Variants in NIPBL observed in about 807,000 individuals in gnomAD.
NIPBL encodes NIPBL cohesin loading factor.
In NIPBL, 19 loss-of-function variants were observed where a neutral mutation model predicts 321.8. The ratio of observed to expected loss-of-function variants is 0.06; its 90% CI spans 0.04 to 0.09. The LOEUF is 0.09. Among genes scored for constraint, NIPBL ranks in the 10% least tolerant of loss-of-function variants. The pLI is 1.00. For synonymous variants in NIPBL, 1,106 were observed against 1,114.1 expected, an observed-to-expected ratio of 0.99 and a Z score of 0.14; for missense variants, 2,210 against 3,327.0, an observed-to-expected ratio of 0.66 and a Z score of 8.26.
At chr5:36,897,889 A>G (rs10040962) in intron 1 of NIPBL, among the ~76,000 whole-genome samples, 1,125 of 107,656 alleles carry the variant, frequency 0.01, 9 homozygotes, top group African/African-American at 0.033. Context: ...TCATACAGGG[A>G]AAAAAAAAAA....
chr5:37,021,931 T>C (rs1221994771), intron 27 of NIPBL, 120 bp from the exon 28 acceptor site: 2 of 782,396 alleles, frequency 2.6e-6, no homozygotes, highest in South Asian at 1.5e-5. Flanking sequence ...TTTACTCATT[T>C]ATATACAGAT....
At chr5:36,920,328 A>G (rs939931191) in intron 1 of NIPBL, among the ~76,000 whole-genome samples, 2 of 152,308 alleles carry the variant, frequency 1.3e-5, no homozygotes, top group African/African-American at 4.8e-5. Flanking sequence ...AAAAACATAA[A>G]GTAAATAATA....
intron 1 of NIPBL, among the ~76,000 whole-genome samples, chr5:36,952,909 G>T (rs1183919930): frequency 6.6e-6 from 1 of 152,078 alleles, no homozygotes; most frequent in East Asian, 1.9e-4. Context: ...AATAATATTG[G>T]GCAATAAATG....
At chr5:37,024,506 G>A (rs572943430) in intron 29 of NIPBL, 79 bp from the exon 30 acceptor site, 160 of 1,211,382 alleles carry the variant, frequency 1.3e-4, no homozygotes, top group Middle Eastern at 2.1e-4. Context: ...AATATACTGC[G>A]TATGGATACT....
chr5:36,941,418 T>G (rs1455271472), intron 1 of NIPBL, among the ~76,000 whole-genome samples: 1 of 151,574 alleles, frequency 6.6e-6, no homozygotes, highest in Non-Finnish European at 1.5e-5. Flanking sequence ...TTATCTTCTT[T>G]AGGTACTTTA....
chr5:36,938,778 C>T (rs1362583658), intron 1 of NIPBL, among the ~76,000 whole-genome samples: 1 of 152,158 alleles, frequency 6.6e-6, no homozygotes, highest in East Asian at 1.9e-4. Flanking sequence ...TACAATTTTA[C>T]ATAACTGTAT....
rs181080254 is a variant in NIPBL, at chr5:36,936,595, C to T, written c.-79-17023C>T. Reference sequence around the variant, plus strand: ...GTCCCTGTCATTATGTGACCCATAACTGTGTGTAGCTCAGAGGTCAAAGTT... The same window carrying T: ...GTCCCTGTCATTATGTGACCCATAATTGTGTGTAGCTCAGAGGTCAAAGTT... On this transcript the variant is annotated intron_variant, in intron 1 of 46. Transcript: ENST00000282516. 9.9e-5 allele frequency among the ~76,000 whole-genome samples: 15 copies of T among 152,234 alleles called. No homozygotes were observed. In the East Asian group the frequency reaches 2.9e-3, roughly 29 times the overall value.
At chr5:36,954,017 A>G (rs1354478053) in intron 2 of NIPBL, among the ~76,000 whole-genome samples, 1 of 152,222 alleles carries the variant, frequency 6.6e-6, no homozygotes, top group African/African-American at 2.4e-5. Flanking sequence ...TAAGGACTTA[A>G]GAATTTTAAA....
intron 45 of NIPBL, among the ~76,000 whole-genome samples, chr5:37,063,168 A>AT (rs1386862947): frequency 6.6e-6 from 1 of 152,132 alleles, no homozygotes; most frequent in Non-Finnish European, 1.5e-5. Flanking sequence ...GCAAAACCCC[A>AT]TTTCTATTTT....
chr5:37,049,463 T>C (rs946494638), intron 40 of NIPBL, among the ~76,000 whole-genome samples, 162 bp downstream of exon 40: 3 of 152,218 alleles, frequency 2.0e-5, no homozygotes, highest in Non-Finnish European at 4.4e-5. Flanking sequence ...TGGGTTATGA[T>C]TACTGCAAAA....
At chr5:37,041,252 GTTTTTTTT>G (rs1163179336) in intron 34 of NIPBL, among the ~76,000 whole-genome samples, 4 of 64,006 alleles carry the variant, frequency 6.2e-5, no homozygotes, top group East Asian at 4.0e-4. Flanking sequence ...TTATGTGGTG[GTTTTTTTT>G]TTTTTTTTTT....
At chr5:37,046,636 C>CT (rs1249686881) in intron 38 of NIPBL, among the ~76,000 whole-genome samples, 2 of 152,252 alleles carry the variant, frequency 1.3e-5, no homozygotes, top group East Asian at 3.9e-4. Context: ...TCTACACTGA[C>CT]TTATTTATAT....
At chr5:37,034,714 G>T (rs1421963406) in intron 32 of NIPBL, among the ~76,000 whole-genome samples, 1 of 152,146 alleles carries the variant, frequency 6.6e-6, no homozygotes, top group Admixed American at 6.5e-5. Flanking sequence ...CAAGGAGATG[G>T]TAAATTTCTG....
chr5:36,893,357 A>G lies in NIPBL; in HGVS notation c.-80+16179A>G, dbSNP rs190723667. ...AGTTATAAAGCAGTCAAACTGATGT[A>G]TCCAAAATAACTGACCAGGTGACAT... On this transcript the variant is annotated intron_variant, in intron 1 of 46. Coordinates refer to ENST00000282516, the MANE Select transcript of NIPBL (RefSeq NM_133433.4). Among the ~76,000 whole-genome samples, 54 of 152,352 alleles carry G rather than the reference A, an allele frequency of 3.5e-4. No homozygotes were observed. The East Asian group carries it at 0.01, about 28-fold the overall frequency.
Position 36,886,330 on chromosome 5 carries a change from G to C in NIPBL, c.-80+9152G>C. ...GAACATCAAGGTCAAGCTGGAGGCT[G>C]AGAGCGCCACCTGCCACCGCCTGCT... On this transcript the variant is annotated intron_variant, in intron 1 of 46. Coordinates refer to ENST00000282516, the MANE Select transcript of NIPBL (RefSeq NM_133433.4). 9 of 692,584 alleles carry C rather than the reference G, an allele frequency of 1.3e-5. No homozygotes were observed. In the South Asian group the frequency reaches 1.3e-4, roughly 10 times the overall value. The allele number at this position is 692,584 out of a possible 1,614,324, so 42.9% of individuals were successfully genotyped here.
intron 6 of NIPBL, among the ~76,000 whole-genome samples, chr5:36,966,733 A>G (rs917415692): frequency 4.6e-5 from 7 of 152,138 alleles, no homozygotes; most frequent in Non-Finnish European, 8.8e-5. Context: ...TAAAATCAGC[A>G]TATAAGAATG....
rs1436464402 is a variant in NIPBL, at chr5:36,942,059, C to T, written c.-79-11559C>T. 1.3e-5 allele frequency among the ~76,000 whole-genome samples: 2 copies of T among 152,026 alleles called. No homozygotes were observed. The highest frequency in any genetic ancestry group is 2.9e-5 in the Non-Finnish European group (2 of 67,998). On this transcript the variant is annotated intron_variant, in intron 1 of 46. Coordinates refer to ENST00000282516, the MANE Select transcript of NIPBL (RefSeq NM_133433.4). ...ATTGATAGCTTCTTTTTCTGTAAAT[C>T]GAACTATTTAAAATAATTTAAAAAC...
chr5:37,006,171 A>G (rs892497424), intron 16 of NIPBL, among the ~76,000 whole-genome samples, 186 bp from the exon 17 acceptor site: 45 of 152,248 alleles, frequency 3.0e-4, no homozygotes, highest in African/African-American at 9.9e-4. Flanking sequence ...ATCACGTTTG[A>G]AAACATTGAA....
At chr5:36,920,446 T>G (rs1748843978) in intron 1 of NIPBL, among the ~76,000 whole-genome samples, 1 of 152,216 alleles carries the variant, frequency 6.6e-6, no homozygotes, top group East Asian at 1.9e-4. Context: ...GATATTTGAC[T>G]GTGTGAGTTT....
Sources: allele counts gnomAD v4.1 joint callset (sites outside exome capture counted in the v4.1 genomes callset), GRCh38; gene constraint gnomAD v4.1.1; transcripts MANE v1.5; gene names NCBI Gene and HGNC (gene_info 2026-07-23, HGNC 2026-07-21).